Variants in INTS2 observed in about 807,000 individuals in gnomAD.
INTS2 encodes KIAA1287.
In INTS2, 57 loss-of-function variants were observed where a neutral mutation model predicts 139.6. The ratio of observed to expected loss-of-function variants is 0.41; its 90% CI spans 0.33 to 0.51. The LOEUF (loss-of-function observed/expected upper bound fraction) is 0.51. INTS2 is among the 20% of genes least tolerant of loss of function. INTS2 has a pLI of 0.28. For missense variants in INTS2, 1,196 were observed against 1,436.7 expected (o/e 0.83, Z 2.71); for synonymous variants, 473 against 493.4 (o/e 0.96, Z 0.55).
intron 8 of INTS2, among the ~76,000 whole-genome samples, chr17:61,905,427 A>G (rs1362229682): frequency 6.6e-6 from 1 of 152,198 alleles, no homozygotes; most frequent in Non-Finnish European, 1.5e-5. Flanking sequence ...CCTAAGTTCA[A>G]GCAATTCTCC....
At chr17:61,920,180 C>CTT (rs772038233) in intron 4 of INTS2, among the ~76,000 whole-genome samples, 17,242 of 119,004 alleles carry the variant, frequency 0.14, 1,649 homozygotes, top group East Asian at 0.5. Context: ...ATCTTATTTG[C>CTT]TTTTTTTTTT....
At position 61,907,627 on chromosome 17, in the gene INTS2, CT is replaced by C; in HGVS notation, c.961del (p.Arg321GlufsTer11). ...TFIRNGQQRK[R>X]ETSSSVLWQM... ...CCAAAGGACAGAACTGCTGGTCTCTCTTTTTCTCTGAAAGAAATATGGATCA... is the reference window on the plus strand; with the variant it reads ...CCAAAGGACAGAACTGCTGGTCTCTCTTTTCTCTGAAAGAAATATGGATCA... On this transcript the variant is annotated frameshift_variant, in exon 8 of 25. Coordinates refer to ENST00000251334, the MANE Select transcript of INTS2 (RefSeq NM_001351695.2). LOFTEE classifies it high-confidence loss of function. 6.3e-7 allele frequency: 1 copy of C among 1,576,432 alleles called. No individual in the cohort carries two copies. The highest frequency in any genetic ancestry group is 2.3e-5 in the East Asian group (1 of 43,744).
chr17:61,922,498 G>A (rs9902773), intron 3 of INTS2, among the ~76,000 whole-genome samples: 198 of 57,316 alleles, frequency 3.5e-3, no homozygotes, highest in Non-Finnish European at 4.5e-3. Flanking sequence ...AAAGAAAAAA[G>A]AAAACAAACA....
rs377490246 is a variant in INTS2, at chr17:61,877,946, C to T, written c.2397G>A (p.Arg799=). ...MSQLLNSGVP[R]RILQTVNKLW... ...GTTTATTGACTGTTTGCAGAATTCTCCGTGGAACCCCTGAATTCAATAGCT... is the reference window on the plus strand; with the variant it reads ...GTTTATTGACTGTTTGCAGAATTCTTCGTGGAACCCCTGAATTCAATAGCT... The change falls in exon 18 of 25, where the codon CGG becomes CGA. Residue 799 remains arginine (R), a synonymous_variant. Transcript: ENST00000251334. 5 of 1,613,716 alleles carry T rather than the reference C, an allele frequency of 3.1e-6. No individual in the cohort carries two copies. The African/African-American group carries it at 6.7e-5, about 22-fold the overall frequency.
intron 17 of INTS2, among the ~76,000 whole-genome samples, chr17:61,880,642 C>T (rs1490249602): frequency 1.3e-5 from 2 of 151,980 alleles, no homozygotes; most frequent in African/African-American, 2.4e-5. Flanking sequence ...GTCCCAGCTA[C>T]TTGTGGGACT....
chr17:61,895,112 G>A (rs2079333845), intron 12 of INTS2, among the ~76,000 whole-genome samples: 1 of 152,008 alleles, frequency 6.6e-6, no homozygotes, highest in East Asian at 1.9e-4. Context: ...AAATTCAAAA[G>A]ATGCCTTGGT....
In INTS2 at chr17:61,924,972, T is replaced by C. The variant is rs778726468; in HGVS notation, c.421A>G (p.Ile141Val). 21 of 1,612,546 alleles carry C rather than the reference T, an allele frequency of 1.3e-5. No individual in the cohort carries two copies. The highest frequency in any genetic ancestry group is 6.6e-5 in the South Asian group (6 of 90,682). The change falls in exon 3 of 25, where the codon ATT becomes GTT. Residue 141 changes from isoleucine (I) to valine (V), a missense_variant. Physicochemically the swap from Ile to Val is conservative, Grantham distance 29. This residue lies in a region of INTS2 where 1,129 missense variants were observed against 1,341.9 expected (regional missense o/e 0.84). Coordinates refer to ENST00000251334, the MANE Select transcript of INTS2 (RefSeq NM_001351695.2). ...TAAAAGAAATGCACCTTGTTCATAA[T>C]TGCCAACAGTTCACTAAGCACAAGA... ...LRLVLSELLA[I>V]MNKVSESNGE... is the part of the protein sequence containing the mutation.
Position 61,866,608 on chromosome 17 carries a change from T to C in INTS2, c.*949A>G, listed in dbSNP as rs2079048264. On this transcript the variant is annotated 3_prime_UTR_variant, in exon 25 of 25. Coordinates refer to ENST00000251334, the MANE Select transcript of INTS2 (RefSeq NM_001351695.2). The stretch of plus-strand genomic sequence containing the variant: ...TTCCTCAGGTTCAAACACTGCATTT[T>C]CTTACTCAAAGATCTTCTCAAAGTA... The C allele has an allele frequency of 6.6e-6, 1 of 152,190 alleles. No homozygotes were observed. The highest frequency in any genetic ancestry group is 1.5e-5 in the Non-Finnish European group (1 of 68,036). 9.4% of individuals were successfully genotyped at this position (152,190 alleles called of 1,614,324 possible). A position where few individuals can be genotyped will look rare whatever the true frequency, so the allele number is the denominator to read the frequency against.
chr17:61,919,292 T>TA (rs1279094006), intron 5 of INTS2, 108 bp downstream of exon 5: 1 of 619,384 alleles, frequency 1.6e-6, no homozygotes, highest in African/African-American at 1.9e-5. Context: ...TTTCAAAAGA[T>TA]AAAATCTCAA....
intron 3 of INTS2, among the ~76,000 whole-genome samples, chr17:61,922,554 A>T (rs2079658003): frequency 7.2e-6 from 1 of 139,086 alleles, no homozygotes; most frequent in African/African-American, 2.6e-5. Context: ...ATACGTGTTC[A>T]ATTCTGAATA....
chr17:61,890,781 T>C (rs1027238091), intron 14 of INTS2, among the ~76,000 whole-genome samples: 4 of 145,612 alleles, frequency 2.7e-5, no homozygotes, highest in Admixed American at 6.9e-5. Context: ...AAAAAATTAC[T>C]GGCCAGGCGC....
chr17:61,894,961 A>G (rs764793937), intron 12 of INTS2, among the ~76,000 whole-genome samples: 3 of 152,234 alleles, frequency 2.0e-5, no homozygotes, highest in Non-Finnish European at 4.4e-5. Context: ...GTTAGAAATG[A>G]ATTTTACAGC....
chr17:61,875,434 A>C lies in INTS2; in HGVS notation c.2457-396T>G, dbSNP rs2079119381. Among the ~76,000 whole-genome samples, 1 of 152,240 alleles carries C rather than the reference A, an allele frequency of 6.6e-6. No individual in the cohort carries two copies. The highest frequency in any genetic ancestry group is 1.5e-5 in the Non-Finnish European group (1 of 68,042). ...TAAATGAAATAAGACTTGCCAAAACATTCTGTATCTAGTTCCATAAATATA... is the reference window on the plus strand; with the variant it reads ...TAAATGAAATAAGACTTGCCAAAACCTTCTGTATCTAGTTCCATAAATATA... On this transcript the variant is annotated intron_variant, in intron 18 of 24. Coordinates refer to ENST00000251334, the MANE Select transcript of INTS2 (RefSeq NM_001351695.2). The surrounding 1 kb of genome is among the most constrained non-coding windows in gnomAD (Gnocchi z 4.6).
intron 19 of INTS2, chr17:61,874,173 C>T (rs984298305): frequency 2.0e-5 from 3 of 152,154 alleles, no homozygotes; most frequent in Non-Finnish European, 2.9e-5. Context: ...CCACTGCACT[C>T]GAACCAGCCC....
intron 5 of INTS2, among the ~76,000 whole-genome samples, chr17:61,914,519 G>A (rs1173435314): frequency 1.3e-5 from 2 of 152,072 alleles, no homozygotes; most frequent in South Asian, 2.1e-4. Context: ...CTAACACGGT[G>A]AAACCGTGTT....
At chr17:61,889,273 G>A (rs894760850) in intron 15 of INTS2, among the ~76,000 whole-genome samples, 2 of 150,224 alleles carry the variant, frequency 1.3e-5, no homozygotes, top group East Asian at 4.2e-4. Flanking sequence ...TTTTAGTAGA[G>A]ACGGGGTTTC....
chr17:61,909,165 G>T lies in INTS2; in HGVS notation c.955-1531C>A, dbSNP rs949780541. Among the ~76,000 whole-genome samples, 1 of 152,020 alleles carries T rather than the reference G, an allele frequency of 6.6e-6. No homozygotes were observed. The highest frequency in any genetic ancestry group is 1.5e-5 in the Non-Finnish European group (1 of 68,006). On this transcript the variant is annotated intron_variant, in intron 7 of 24. Transcript: ENST00000251334. The surrounding 1 kb of genome is among the most constrained non-coding windows in gnomAD (Gnocchi z 4.9). Reference sequence around the variant, plus strand: ...TCCTGCTCTGTCACCAGGCTGGAGTGCAGTGGCGTGATCTCGGCTCACTGC... The same window carrying T: ...TCCTGCTCTGTCACCAGGCTGGAGTTCAGTGGCGTGATCTCGGCTCACTGC...
At chr17:61,910,786 G>T (rs1327842697) in intron 7 of INTS2, 1 of 151,924 alleles carries the variant, frequency 6.6e-6, no homozygotes, top group African/African-American at 2.4e-5. Context: ...TTATTTCAGT[G>T]ATCTAATGCA....
intron 4 of INTS2, 137 bp from the exon 5 acceptor site, chr17:61,919,650 T>A (rs1004350835): frequency 1.7e-6 from 1 of 591,148 alleles, no homozygotes. Context: ...CCTCAAGTGA[T>A]CCTCCAGCCT....
Sources: gnomAD v4.1 joint callset for allele counts (sites outside exome capture counted in the v4.1 genomes callset) on GRCh38, gnomAD v4.1.1 for gene constraint, gnomAD v4.1.1 regional missense constraint, Gnocchi (gnomAD v3.1) non-coding constraint, MANE v1.5 for transcripts, NCBI Gene and HGNC (gene_info 2026-07-23, HGNC 2026-07-21) for gene names.